Variants in COPS7B observed in about 807,000 individuals in gnomAD.
COPS7B encodes the protein COP9 signalosome complex subunit 7b.
Under a neutral mutation model 33.4 loss-of-function variants are expected in COPS7B, and 9 were observed. That is an observed-to-expected ratio of 0.27 (90% CI 0.16 to 0.47). The LOEUF (loss-of-function observed/expected upper bound fraction) is 0.47. Among genes scored for constraint, COPS7B ranks in the 20% least tolerant of loss-of-function variants. The pLI, the probability that COPS7B is intolerant of heterozygous loss-of-function variation, is 0.99. For synonymous variants in COPS7B, 119 were observed against 126.3 expected (o/e 0.94, Z 0.39); for missense variants, 242 against 318.2 (o/e 0.76, Z 1.82).
chr2:231,807,672 C>T lies in COPS7B; in HGVS notation c.*27C>T, dbSNP rs1195677469. ...GCCGGCTGGGGCAGCTGGCACTCAC[C>T]AGGCCTGGGTCAGGTGGGGAGGGGA... On this transcript the variant is annotated 3_prime_UTR_variant, in exon 7 of 7. Transcript: ENST00000350033. 1 of 1,540,156 alleles carries T rather than the reference C, an allele frequency of 6.5e-7. No individual in the cohort carries two copies. Among genetic ancestry groups the T allele is most frequent in the Non-Finnish European group, 8.8e-7 (1 of 1,142,222 alleles).
intron 6 of COPS7B, among the ~76,000 whole-genome samples, chr2:231,799,300 G>T (rs1282153240): frequency 6.6e-6 from 1 of 152,232 alleles, no homozygotes; most frequent in Non-Finnish European, 1.5e-5. Context: ...AAGGATGGTG[G>T]TAAGTTACCA....
At chr2:231,786,331 C>A, upstream of COPS7B, 1 of 582,990 alleles carries the variant, frequency 1.7e-6, no homozygotes, top group Non-Finnish European at 2.2e-6. Flanking sequence ...CACCGGAGGT[C>A]GAAGGCTGTA....
chr2:231,783,967 T>A (rs1367056338), upstream of COPS7B, among the ~76,000 whole-genome samples: 1 of 152,188 alleles, frequency 6.6e-6, no homozygotes, highest in Non-Finnish European at 1.5e-5. Flanking sequence ...ATGGTTAGTG[T>A]TTTTTGCATT....
Position 231,808,513 on chromosome 2 carries a change from G to A in COPS7B, c.*868G>A, listed in dbSNP as rs750098298. 9.3e-5 allele frequency: 44 copies of A among 471,176 alleles called. No homozygotes were observed. The highest frequency in any genetic ancestry group is 6.2e-4 in the South Asian group (40 of 64,552). The allele number at this position is 471,176 out of a possible 1,614,324, so 29.2% of individuals were successfully genotyped here. A position where few individuals can be genotyped will look rare whatever the true frequency, so the allele number is the denominator to read the frequency against. ...GCACCTGGGTAGGGATGGTGGCATC[G>A]ATGCCCCTCTGTCTGCTGAAGGACC... On this transcript the variant is annotated 3_prime_UTR_variant, in exon 7 of 7. Coordinates refer to ENST00000350033, the MANE Select transcript of COPS7B (RefSeq NM_022730.4).
chr2:231,789,977 G>A (rs1454619254), intron 2 of COPS7B: 1 of 152,154 alleles, frequency 6.6e-6, no homozygotes, highest in African/African-American at 2.4e-5. Flanking sequence ...TGTCAGCCTT[G>A]CTTGCCGAAC....
chr2:231,790,244 A>G (rs2049374304), intron 2 of COPS7B: 1 of 152,254 alleles, frequency 6.6e-6, no homozygotes, highest in Non-Finnish European at 1.5e-5. Flanking sequence ...AGATTGGCTA[A>G]GAGGAGATGG....
chr2:231,808,683 T>G lies in COPS7B; in HGVS notation c.*1038T>G, dbSNP rs1419910839. 1 of 314,770 alleles carries G rather than the reference T, an allele frequency of 3.2e-6. No homozygotes were observed. Among genetic ancestry groups the G allele is most frequent in the Non-Finnish European group, 6.3e-6 (1 of 158,544 alleles). The allele number at this position is 314,770 out of a possible 1,614,324, so 19.5% of individuals were successfully genotyped here. A position where few individuals can be genotyped will look rare whatever the true frequency, so the allele number is the denominator to read the frequency against. ...TTATATTTTAATTTTTTTTTTTTTG[T>G]ACAGGTTCTGATTCTAATACATTTC... On this transcript the variant is annotated 3_prime_UTR_variant, in exon 7 of 7. Transcript: ENST00000350033.
At chr2:231,787,292 C>A (rs755524474) in intron 1 of COPS7B, among the ~76,000 whole-genome samples, 13 of 152,210 alleles carry the variant, frequency 8.5e-5, no homozygotes, top group Non-Finnish European at 1.8e-4. Context: ...TGTGAAAGGG[C>A]AACTAATCTG....
At chr2:231,806,055 CT>C (rs754931037) in intron 6 of COPS7B, among the ~76,000 whole-genome samples, 14 of 152,000 alleles carry the variant, frequency 9.2e-5, no homozygotes, top group Non-Finnish European at 1.9e-4. Context: ...GCTTTTCCCC[CT>C]GTCTCAAAAT....
intron 6 of COPS7B, among the ~76,000 whole-genome samples, chr2:231,804,118 G>A (rs908657808): frequency 1.3e-5 from 2 of 152,162 alleles, no homozygotes; most frequent in African/African-American, 4.8e-5. Flanking sequence ...CATAGGTGAA[G>A]CGGATTGAAA....
At chr2:231,805,811 AT>A (rs76922839) in intron 6 of COPS7B, among the ~76,000 whole-genome samples, 33,755 of 142,446 alleles carry the variant, frequency 0.24, 3,819 homozygotes, top group Non-Finnish European at 0.26. Context: ...CCTGGCTAAA[AT>A]TTTTTTTTTT....
At chr2:231,790,317 T>C (rs922069787) in intron 2 of COPS7B, 4 of 152,238 alleles carry the variant, frequency 2.6e-5, no homozygotes, top group Non-Finnish European at 5.9e-5. Context: ...TTGGAGTATC[T>C]GCTCTGGAGA....
chr2:231,794,530 G>A (rs891395252), intron 4 of COPS7B, among the ~76,000 whole-genome samples, 179 bp downstream of exon 4: 1 of 152,212 alleles, frequency 6.6e-6, no homozygotes, highest in African/African-American at 2.4e-5. Context: ...TACAGGAAAA[G>A]TATGCCCAGA....
upstream of COPS7B, among the ~76,000 whole-genome samples, chr2:231,785,858 A>G (rs1347354751): frequency 1.3e-5 from 2 of 152,244 alleles, no homozygotes; most frequent in African/African-American, 2.4e-5. Flanking sequence ...TTGTTGGCTT[A>G]ACCCATCTCT....
At chr2:231,787,601 C>T (rs2049288900) in intron 1 of COPS7B, among the ~76,000 whole-genome samples, 1 of 151,550 alleles carries the variant, frequency 6.6e-6, no homozygotes, top group African/African-American at 2.4e-5. Context: ...TCTGAAGTCA[C>T]GTTTGGTTAA....
chr2:231,788,353 C>T (rs1026255382), intron 1 of COPS7B, among the ~76,000 whole-genome samples: 3 of 152,142 alleles, frequency 2.0e-5, no homozygotes, highest in African/African-American at 7.2e-5. Flanking sequence ...CCATACTGGT[C>T]TCGAACTCCT....
At chr2:231,803,282 G>A (rs1255154120) in intron 6 of COPS7B, among the ~76,000 whole-genome samples, 1 of 152,108 alleles carries the variant, frequency 6.6e-6, no homozygotes, top group African/African-American at 2.4e-5. Context: ...GGGGAGGAGC[G>A]GTAACCCCCG....
chr2:231,791,579 C>T lies in COPS7B; in HGVS notation c.163-154C>T, dbSNP rs186666250. 8.4e-6 allele frequency: 5 copies of T among 595,918 alleles called. No individual in the cohort carries two copies. In the Admixed American group the frequency reaches 1.6e-4, roughly 19 times the overall value. 36.9% of individuals were successfully genotyped at this position (595,918 alleles called of 1,614,324 possible). A position where few individuals can be genotyped will look rare whatever the true frequency, so the allele number is the denominator to read the frequency against. ...ATCTTGTTTATTTTTTCCCGAAGAA[C>T]CAGAGTTGGTAGAGACCCCAGGGGC... On this transcript the variant is annotated intron_variant, in intron 2 of 6. Transcript: ENST00000350033.
upstream of COPS7B, chr2:231,781,888 G>C: frequency 6.5e-7 from 1 of 1,550,358 alleles, no homozygotes; most frequent in Non-Finnish European, 8.7e-7. Flanking sequence ...ATCATGGTAA[G>C]GCTGCAAACA....
Sources: gnomAD v4.1 joint callset for allele counts (sites outside exome capture counted in the v4.1 genomes callset) on GRCh38, gnomAD v4.1.1 for gene constraint, MANE v1.5 for transcripts, NCBI Gene and HGNC (gene_info 2026-07-23, HGNC 2026-07-21) for gene names.